Variants in GPM6A observed in about 807,000 individuals in gnomAD.
GPM6A encodes the protein glycoprotein M6A.
A neutral mutation model predicts 32.1 loss-of-function variants in GPM6A; 7 were observed. That is an observed-to-expected ratio of 0.22 (90% CI 0.12 to 0.41). GPM6A has a LOEUF of 0.41. Among genes scored for constraint, GPM6A ranks in the 10% least tolerant of loss-of-function variants. The pLI is 1.00. For missense variants in GPM6A, 235 were observed against 347.2 expected (o/e 0.68, Z 2.57); for synonymous variants, 130 against 123.4 (o/e 1.05, Z -0.35).
At chr4:175,676,697 G>A (rs1296735329) in intron 2 of GPM6A, among the ~76,000 whole-genome samples, 1 of 152,006 alleles carries the variant, frequency 6.6e-6, no homozygotes, top group Non-Finnish European at 1.5e-5. Context: ...AATGCGCTAC[G>A]ATCACACCAC....
intron 1 of GPM6A, among the ~76,000 whole-genome samples, chr4:175,730,622 C>T (rs1196824054): frequency 1.3e-5 from 2 of 152,002 alleles, no homozygotes; most frequent in Non-Finnish European, 2.9e-5. Context: ...AGGCGCCCGC[C>T]ACCACGCGCG....
At chr4:175,683,406 T>C (rs1743795015) in intron 2 of GPM6A, among the ~76,000 whole-genome samples, 1 of 152,174 alleles carries the variant, frequency 6.6e-6, no homozygotes, top group Non-Finnish European at 1.5e-5. Flanking sequence ...TTTGAGTTAA[T>C]GCTGGAAAGA....
At chr4:175,751,063 T>A (rs1465613916) in intron 1 of GPM6A, among the ~76,000 whole-genome samples, 2 of 152,174 alleles carry the variant, frequency 1.3e-5, no homozygotes, top group Non-Finnish European at 2.9e-5. Flanking sequence ...TGAGATGATA[T>A]GATCAGCAGA....
intron 2 of GPM6A, among the ~76,000 whole-genome samples, chr4:175,681,594 A>G (rs1372501442): frequency 6.6e-6 from 1 of 152,106 alleles, no homozygotes; most frequent in African/African-American, 2.4e-5. Flanking sequence ...TGTTTGGATC[A>G]TGAGAACATA....
chr4:175,728,932 C>T (rs569910276), intron 1 of GPM6A, among the ~76,000 whole-genome samples: 1 of 152,284 alleles, frequency 6.6e-6, no homozygotes, highest in Non-Finnish European at 1.5e-5. Context: ...AATATCTGAG[C>T]TTCTCTCTTG....
At chr4:175,643,918 C>T (rs530678186) in intron 4 of GPM6A, among the ~76,000 whole-genome samples, 24 of 152,198 alleles carry the variant, frequency 1.6e-4, no homozygotes, top group African/African-American at 5.8e-4. Context: ...ACGGTCCTTC[C>T]CAAGTGCCGG....
chr4:175,945,552 C>A (rs1255863890), intron 1 of GPM6A, among the ~76,000 whole-genome samples: 1 of 151,016 alleles, frequency 6.6e-6, no homozygotes, highest in Admixed American at 6.6e-5. Flanking sequence ...TAATACGCAC[C>A]CATATTACTT....
chr4:175,915,623 G>A (rs1436436496), intron 1 of GPM6A, among the ~76,000 whole-genome samples: 1 of 152,006 alleles, frequency 6.6e-6, no homozygotes, highest in African/African-American at 2.4e-5. Flanking sequence ...CTGACAAACA[G>A]GCAATTTCAC....
At chr4:175,990,122 A>G (rs1741093809) in intron 1 of GPM6A, among the ~76,000 whole-genome samples, 1 of 152,226 alleles carries the variant, frequency 6.6e-6, no homozygotes, top group Non-Finnish European at 1.5e-5. Flanking sequence ...CTTGTTCTTG[A>G]TGACTCCTTC....
At chr4:175,717,889 ATAAG>A (rs1350879590) in intron 1 of GPM6A, among the ~76,000 whole-genome samples, 4 of 152,210 alleles carry the variant, frequency 2.6e-5, no homozygotes, top group African/African-American at 9.6e-5. Flanking sequence ...CTGTTGCTAA[ATAAG>A]TATTATGTGT....
chr4:175,858,360 C>T (rs966817996), intron 1 of GPM6A, among the ~76,000 whole-genome samples: 3 of 151,924 alleles, frequency 2.0e-5, no homozygotes, highest in Non-Finnish European at 2.9e-5. Context: ...AAAGAAACCC[C>T]GTCTCTACTA....
intron 2 of GPM6A, among the ~76,000 whole-genome samples, chr4:175,699,374 A>G (rs1409362162): frequency 3.3e-5 from 5 of 152,168 alleles, no homozygotes; most frequent in Non-Finnish European, 5.9e-5. Flanking sequence ...ATAGGTTTGT[A>G]TTTAGTTTGA....
intron 1 of GPM6A, among the ~76,000 whole-genome samples, chr4:175,952,224 G>C (rs1345370732): frequency 6.6e-6 from 1 of 152,186 alleles, no homozygotes; most frequent in Non-Finnish European, 1.5e-5. Context: ...TGACTCTTGA[G>C]AGTCTTTGAC....
intron 2 of GPM6A, among the ~76,000 whole-genome samples, chr4:175,676,633 C>A (rs1005079619): frequency 3.3e-5 from 5 of 152,154 alleles, no homozygotes; most frequent in Admixed American, 3.3e-4. Flanking sequence ...GTAGTCCTAG[C>A]TACGTGGGAG....
chr4:175,808,329 A>C (rs761941926), intron 1 of GPM6A, among the ~76,000 whole-genome samples: 4 of 152,160 alleles, frequency 2.6e-5, no homozygotes, highest in Non-Finnish European at 5.9e-5. Flanking sequence ...TAAATGTATA[A>C]AGTATATGAT....
At chr4:175,753,820 A>G (rs567256027) in intron 1 of GPM6A, among the ~76,000 whole-genome samples, 3 of 152,190 alleles carry the variant, frequency 2.0e-5, no homozygotes, top group Admixed American at 2.0e-4. Context: ...CTTTGTAAGG[A>G]CCTATGTTAA....
intron 1 of GPM6A, among the ~76,000 whole-genome samples, chr4:175,731,212 C>T (rs1375112517): frequency 1.3e-5 from 2 of 152,116 alleles, no homozygotes; most frequent in African/African-American, 2.4e-5. Flanking sequence ...TTCTGTGGCC[C>T]CTGCTTAGCT....
At chr4:175,763,735 G>A (rs186580551) in intron 1 of GPM6A, among the ~76,000 whole-genome samples, 1 of 151,814 alleles carries the variant, frequency 6.6e-6, no homozygotes, top group East Asian at 2.0e-4. Context: ...CAGAAAACAG[G>A]CTTTTTTAAA....
intron 2 of GPM6A, among the ~76,000 whole-genome samples, chr4:175,685,423 A>G (rs1743924018): frequency 6.6e-6 from 1 of 152,186 alleles, no homozygotes; most frequent in Admixed American, 6.5e-5. Flanking sequence ...GTTTCTTGTT[A>G]AGGTCCTTAA....
Sources: gnomAD v4.1 joint callset for allele counts (sites outside exome capture counted in the v4.1 genomes callset) on GRCh38, gnomAD v4.1.1 for gene constraint, MANE v1.5 for transcripts, NCBI Gene and HGNC (gene_info 2026-07-23, HGNC 2026-07-21) for gene names.